Variants in SLCO4C1 observed in about 807,000 individuals in gnomAD.
SLCO4C1 encodes the protein organic anion transporter M1.
Under a neutral mutation model 72.1 loss-of-function variants are expected in SLCO4C1, and 58 were observed. That is an observed-to-expected ratio of 0.80 (90% confidence interval 0.65 to 1.00). The LOEUF is 1.00. Among genes scored for constraint, SLCO4C1 ranks in the 50% least tolerant of loss-of-function variants. The pLI is 0.00. For missense variants in SLCO4C1, 898 were observed against 857.9 expected (o/e 1.05, Z -0.58); for synonymous variants, 297 against 312.5 (o/e 0.95, Z 0.52).
intron 3 of SLCO4C1, among the ~76,000 whole-genome samples, chr5:102,264,049 G>A (rs183082559): frequency 1.4e-4 from 22 of 152,204 alleles, no homozygotes; most frequent in Admixed American, 5.9e-4. Flanking sequence ...ACTGGCAGTA[G>A]AGGTAGTATA....
chr5:102,244,426 A>T (rs1049785397), intron 10 of SLCO4C1, among the ~76,000 whole-genome samples: 2 of 152,204 alleles, frequency 1.3e-5, no homozygotes, highest in African/African-American at 4.8e-5. Context: ...TCTAAGAGTT[A>T]TTGGTCATAA....
chr5:102,266,739 A>G (rs1003075313), intron 3 of SLCO4C1, among the ~76,000 whole-genome samples: 3 of 152,166 alleles, frequency 2.0e-5, no homozygotes, highest in African/African-American at 7.2e-5. Context: ...GCTTTTTCTC[A>G]TTCAGTATAA....
intron 8 of SLCO4C1, among the ~76,000 whole-genome samples, chr5:102,253,405 T>C (rs1406502153): frequency 1.3e-5 from 2 of 152,300 alleles, no homozygotes; most frequent in South Asian, 2.1e-4. Flanking sequence ...AAATACCACA[T>C]GCTCTCACTT....
chr5:102,266,944 T>C (rs538398714), intron 3 of SLCO4C1, among the ~76,000 whole-genome samples: 2 of 152,234 alleles, frequency 1.3e-5, no homozygotes, highest in African/African-American at 4.8e-5. Context: ...GATTTCCATA[T>C]GGCAAACTAA....
intron 5 of SLCO4C1, among the ~76,000 whole-genome samples, chr5:102,260,742 T>C (rs1748925916): frequency 6.6e-6 from 1 of 152,170 alleles, no homozygotes; most frequent in African/African-American, 2.4e-5. Flanking sequence ...TGTGGCTTTT[T>C]TCCTCTGCTC....
rs1159201494 is a variant in SLCO4C1, at chr5:102,235,787, A to G, written c.*1071T>C. The G allele has an allele frequency of 6.6e-6, 1 of 152,236 alleles. No individual in the cohort carries two copies. Among genetic ancestry groups the G allele is most frequent in the Non-Finnish European group, 1.5e-5 (1 of 68,056 alleles). The allele number at this position is 152,236 out of a possible 1,614,324, so 9.4% of individuals were successfully genotyped here. A position where few individuals can be genotyped will look rare whatever the true frequency, so the allele number is the denominator to read the frequency against. On this transcript the variant is annotated 3_prime_UTR_variant, in exon 13 of 13. Coordinates refer to ENST00000310954, the MANE Select transcript of SLCO4C1 (RefSeq NM_180991.5). The stretch of plus-strand genomic sequence containing the variant: ...ACTAATGCCTGATGGTCTGAGGTGG[A>G]GCAGTTTCATCTCAAAACCATACCT...
intron 1 of SLCO4C1, among the ~76,000 whole-genome samples, chr5:102,295,207 T>G (rs1301178097): frequency 3.3e-5 from 5 of 152,162 alleles, no homozygotes; most frequent in African/African-American, 4.8e-5. Context: ...TGCAAGCCCC[T>G]GAGGGTATAA....
Position 102,236,990 on chromosome 5 carries a change from G to A in SLCO4C1, c.2043C>T (p.Phe681=). 6.2e-7 allele frequency: 1 copy of A among 1,607,208 alleles called. No individual in the cohort carries two copies. The highest frequency in any genetic ancestry group is 2.2e-5 in the East Asian group (1 of 44,506). The stretch of plus-strand genomic sequence containing the variant: ...ACAAAAAGATTGCAAATCCATTGAA[G>A]AACATGGTGATAACTTTACAAGTAA... ...ISVTCKVITM[F]FNGFAIFLYK... The change falls in exon 13 of 13, where the codon TTC becomes TTT. Residue 681 remains phenylalanine (F), a synonymous_variant. Coordinates refer to ENST00000310954, the MANE Select transcript of SLCO4C1 (RefSeq NM_180991.5).
chr5:102,271,612 A>C (rs1461734886), intron 2 of SLCO4C1, among the ~76,000 whole-genome samples: 1 of 151,606 alleles, frequency 6.6e-6, no homozygotes, highest in Admixed American at 6.6e-5. Context: ...GGTTAAAAAT[A>C]TATATATATA....
At chr5:102,276,319 A>C (rs1749245473) in intron 2 of SLCO4C1, among the ~76,000 whole-genome samples, 1 of 152,220 alleles carries the variant, frequency 6.6e-6, no homozygotes, top group Non-Finnish European at 1.5e-5. Flanking sequence ...TCTGCAAAAT[A>C]TCATCATGAG....
At chr5:102,295,863 C>G (rs772402479) in intron 1 of SLCO4C1, 45 bp downstream of exon 1, 2 of 1,546,166 alleles carry the variant, frequency 1.3e-6, no homozygotes, top group South Asian at 2.4e-5. Context: ...CCGTGCCCAC[C>G]TCGCTCTCCA....
intron 2 of SLCO4C1, among the ~76,000 whole-genome samples, chr5:102,282,502 A>T (rs1044331349): frequency 6.6e-6 from 1 of 152,000 alleles, no homozygotes; most frequent in African/African-American, 2.4e-5. Context: ...TAAATGTATT[A>T]ATAAAAAATA....
chr5:102,264,710 A>T (rs966098352), intron 3 of SLCO4C1, among the ~76,000 whole-genome samples: 3 of 151,924 alleles, frequency 2.0e-5, no homozygotes, highest in African/African-American at 4.8e-5. Flanking sequence ...TGCTATATAG[A>T]ACACCAGAAT....
chr5:102,259,074 C>G (rs1362581945), intron 6 of SLCO4C1, among the ~76,000 whole-genome samples: 1 of 151,974 alleles, frequency 6.6e-6, no homozygotes, highest in Non-Finnish European at 1.5e-5. Context: ...TAAAACTTCT[C>G]AAATACAACA....
chr5:102,237,421 A>T (rs369596806), intron 12 of SLCO4C1, among the ~76,000 whole-genome samples: 28 of 149,020 alleles, frequency 1.9e-4, no homozygotes, highest in African/African-American at 6.4e-4. Flanking sequence ...TGGGCACCAT[A>T]GGAAACCCTG....
chr5:102,253,157 T>A (rs981411651), intron 8 of SLCO4C1, among the ~76,000 whole-genome samples: 10 of 151,924 alleles, frequency 6.6e-5, no homozygotes, highest in Non-Finnish European at 1.3e-4. Flanking sequence ...TTCTATGAGG[T>A]TTTAAGTAAA....
Position 102,270,850 on chromosome 5 carries a change from T to C in SLCO4C1, c.620-44A>G, listed in dbSNP as rs1749139898. 2.1e-6 allele frequency: 3 copies of C among 1,429,878 alleles called. No individual in the cohort carries two copies. The South Asian group carries it at 4.4e-5, about 21-fold the overall frequency. 88.6% of individuals were successfully genotyped at this position (1,429,878 alleles called of 1,614,324 possible). A position where few individuals can be genotyped will look rare whatever the true frequency, so the allele number is the denominator to read the frequency against. ...TGTGAATTTATAGAAATTCAGCTAA[T>C]AATTTAAATTTCTATCATATAAATT... On this transcript the variant is annotated intron_variant, in intron 2 of 12. Transcript: ENST00000310954.
At chr5:102,242,835 A>G (rs1225228454) in intron 10 of SLCO4C1, among the ~76,000 whole-genome samples, 1 of 152,114 alleles carries the variant, frequency 6.6e-6, no homozygotes, top group Non-Finnish European at 1.5e-5. Flanking sequence ...GGAAAAGTAA[A>G]GGGGACTTTG....
At chr5:102,269,319 T>A (rs1749105323) in intron 3 of SLCO4C1, among the ~76,000 whole-genome samples, 1 of 151,350 alleles carries the variant, frequency 6.6e-6, no homozygotes, top group Non-Finnish European at 1.5e-5. Context: ...TTTGTATACT[T>A]AATAGTGCCC....
Sources: allele counts gnomAD v4.1 joint callset (sites outside exome capture counted in the v4.1 genomes callset), GRCh38; gene constraint gnomAD v4.1.1; transcripts MANE v1.5; gene names NCBI Gene and HGNC (gene_info 2026-07-23, HGNC 2026-07-21).